The following ANPEP variants were observed in gnomAD, a reference collection of about 807,000 sequenced individuals.
ANPEP encodes aminopeptidase N.
In ANPEP, 70 loss-of-function variants were observed where a neutral mutation model predicts 114.6. The observed-to-expected ratio is 0.61, with a 90% confidence interval of 0.50 to 0.75. The LOEUF (loss-of-function observed/expected upper bound fraction) is 0.75, where lower values mean the gene tolerates loss of function less well. Among genes scored for constraint, ANPEP ranks in the 30% least tolerant of loss-of-function variants. The probability of loss-of-function intolerance (pLI) is 0.00; values close to 1 mark genes in which losing one functional copy is unlikely to be tolerated. For synonymous variants in ANPEP, 548 were observed against 522.3 expected, an observed-to-expected ratio of 1.05 and a Z score of -0.67; for missense variants, 1,184 against 1,259.5, an observed-to-expected ratio of 0.94 and a Z score of 0.91.
At chr15:89,807,520 G>A (rs1391377008) in intron 1 of ANPEP, among the ~76,000 whole-genome samples, 1 of 152,120 alleles carries the variant, frequency 6.6e-6, no homozygotes, top group Non-Finnish European at 1.5e-5. Flanking sequence ...CCAACATGGC[G>A]AAACCCCGTC....
rs1357176889 is a variant in ANPEP at position 89,799,599 on chromosome 15, G to A, written c.1820-40C>T. On this transcript the variant is annotated intron_variant, in intron 12 of 20. Transcript: ENST00000300060. This position sits in a 1 kb window ranked among gnomAD's most constrained non-coding sequence, Gnocchi z 4.2. ...GAGACCTGGGCAGGGCTGCTCAGAG[G>A]CCATGGGCTGACCCCTGGACCTCTT... is the stretch of plus-strand genomic sequence containing the variant. 11 of 1,613,504 alleles carry A rather than the reference G, an allele frequency of 6.8e-6. No individual in the cohort carries two copies. The highest frequency in any genetic ancestry group is 8.5e-6 in the Non-Finnish European group (10 of 1,179,760).
In ANPEP at chr15:89,792,263, ACTC is replaced by A; in HGVS notation, c.2422_2424del (p.Glu808del). ...CGGAACTGCTCCCAGGCGAAGTCCC[ACTC>A]CTCCTCCCCGCCCTGGGCGATAGCG... On this transcript the variant is annotated inframe_deletion, in exon 18 of 21. Coordinates refer to ENST00000300060, the MANE Select transcript of ANPEP (RefSeq NM_001150.3). 6 of 1,613,480 alleles carry A rather than the reference ACTC, an allele frequency of 3.7e-6. No homozygotes were observed. Among genetic ancestry groups the A allele is most frequent in the Non-Finnish European group, 5.1e-6 (6 of 1,179,904 alleles).
At chr15:89,786,386 CTTT>C (rs57614547) in intron 20 of ANPEP, among the ~76,000 whole-genome samples, 2 of 130,512 alleles carry the variant, frequency 1.5e-5, no homozygotes, top group East Asian at 2.2e-4. Flanking sequence ...ATTTTAACTA[CTTT>C]TTTTTTTTTT....
Position 89,792,275 on chromosome 15 carries a change from C to T in ANPEP, c.2413G>A (p.Gly805Arg), listed in dbSNP as rs781584838. Residue 805 changes from glycine (G) to arginine (R), a missense_variant, in exon 18 of 21, where the codon GGG (glycine) becomes AGG (arginine). By Grantham distance (125) the Gly-to-Arg change is moderately radical (BLOSUM62 -2). Transcript: ENST00000300060. Reference protein sequence around the residue: ...TVYCNAIAQGGEEEWDFAWEQ... With the variant: ...TVYCNAIAQGREEEWDFAWEQ... The stretch of plus-strand genomic sequence containing the variant: ...CAGGCGAAGTCCCACTCCTCCTCCC[C>T]GCCCTGGGCGATAGCGTTGCAGTAG... The T allele has an allele frequency of 8.1e-6, 13 of 1,614,216 alleles. No homozygotes were observed. Among genetic ancestry groups the T allele is most frequent in the East Asian group, 2.2e-5 (1 of 44,886 alleles).
intron 18 of ANPEP, among the ~76,000 whole-genome samples, chr15:89,791,514 T>C (rs1036973011): frequency 6.6e-6 from 1 of 151,946 alleles, no homozygotes; most frequent in Non-Finnish European, 1.5e-5. Flanking sequence ...TTGGGCTTAC[T>C]GTAACCTTCG....
At chr15:89,797,385 C>T (rs559870338) in intron 15 of ANPEP, 190 bp downstream of exon 15, 8 of 783,390 alleles carry the variant, frequency 1.0e-5, no homozygotes, top group East Asian at 9.0e-5. Context: ...CCCTCCGGCT[C>T]GCTCTTTCAC....
intron 19 of ANPEP, 138 bp downstream of exon 19, chr15:89,790,815 C>T: frequency 8.7e-7 from 1 of 1,147,296 alleles, no homozygotes; most frequent in Non-Finnish European, 1.2e-6. Context: ...TCCATTCCTG[C>T]CCCACCCTAG....
chr15:89,809,475 A>C (rs1174485850), intron 1 of ANPEP, among the ~76,000 whole-genome samples: 1 of 152,218 alleles, frequency 6.6e-6, no homozygotes, highest in Non-Finnish European at 1.5e-5. Flanking sequence ...AAGTTGGTGC[A>C]GCAGGTAGCC....
At chr15:89,809,776 A>G (rs1009399203) in intron 1 of ANPEP, among the ~76,000 whole-genome samples, 2 of 152,218 alleles carry the variant, frequency 1.3e-5, no homozygotes, top group Non-Finnish European at 2.9e-5. Context: ...CAACCTGCAG[A>G]GTGAAACCTT....
At chr15:89,804,184 C>A in intron 6 of ANPEP, 69 bp downstream of exon 6, 1 of 1,599,804 alleles carries the variant, frequency 6.3e-7, no homozygotes, top group Non-Finnish European at 8.5e-7. Flanking sequence ...CGGGGCAGAG[C>A]CTGGACTTGC....
chr15:89,789,721 C>T (rs1014524307), intron 20 of ANPEP, among the ~76,000 whole-genome samples: 30 of 139,826 alleles, frequency 2.1e-4, no homozygotes, highest in African/African-American at 7.7e-4. Context: ...TGCAGTGAGC[C>T]GAGATCATAC....
intron 18 of ANPEP, 76 bp downstream of exon 18, chr15:89,792,084 C>T: frequency 2.0e-6 from 3 of 1,525,052 alleles, no homozygotes; most frequent in Non-Finnish European, 2.7e-6. Flanking sequence ...AAGGATCTGG[C>T]GAGGAGTGTG....
Position 89,799,640 on chromosome 15 carries a change from C to A in ANPEP, c.1820-81G>T. 3.1e-6 allele frequency: 5 copies of A among 1,589,486 alleles called. No homozygotes were observed. In the South Asian group the frequency reaches 4.5e-5, roughly 14 times the overall value. ...TGGACCTCTTGCAAGAGCAGCTGCC[C>A]CCGCAGCCTGGCACCACCTCACCCT... On this transcript the variant is annotated intron_variant, in intron 12 of 20. Transcript: ENST00000300060. The surrounding 1 kb of genome is among the most constrained non-coding windows in gnomAD (Gnocchi z 4.2).
chr15:89,799,458 T>C lies in ANPEP; in HGVS notation c.1921A>G (p.Lys641Glu). 1.2e-6 allele frequency: 2 copies of C among 1,614,142 alleles called. No individual in the cohort carries two copies. The highest frequency in any genetic ancestry group is 1.7e-6 in the Non-Finnish European group (2 of 1,180,032). ...RVNYDEENWR[K>E]IQTQLQRDHS... is the part of the protein sequence containing the mutation. Reference sequence around the variant, plus strand: ...TCTCTCTGCAGCTGAGTCTGAATCTTCCTCCAGTTCTCTTCGTCGTAGTTC... The same window carrying C: ...TCTCTCTGCAGCTGAGTCTGAATCTCCCTCCAGTTCTCTTCGTCGTAGTTC... Residue 641 changes from lysine to glutamate, a missense_variant, in exon 13 of 21, where the codon AAG becomes GAG. Physicochemically the swap from Lys to Glu is moderately conservative, Grantham distance 56. Coordinates refer to ENST00000300060, the MANE Select transcript of ANPEP (RefSeq NM_001150.3). The surrounding 1 kb of genome is among the most constrained non-coding windows in gnomAD (Gnocchi z 4.2).
intron 1 of ANPEP, among the ~76,000 whole-genome samples, chr15:89,813,672 G>A (rs1205903969): frequency 6.6e-6 from 1 of 152,128 alleles, no homozygotes; most frequent in Non-Finnish European, 1.5e-5. Context: ...GTGGGACAGA[G>A]GCTGTCCCCA....
Position 89,804,360 on chromosome 15 carries a change from C to T in ANPEP, c.1072G>A (p.Gly358Arg). Residue 358 changes from glycine (G) to arginine (R), a missense_variant, in exon 6 of 21, where the codon GGA becomes AGA. By Grantham distance (125) the Gly-to-Arg change is moderately radical. Coordinates refer to ENST00000300060, the MANE Select transcript of ANPEP (RefSeq NM_001150.3). Reference sequence around the variant, plus strand: ...GAGTTCTCCCGGTAGGTCACCAGTCCCCAGTTCTCCATGGCGCCGGCGTTG... The same window carrying T: ...GAGTTCTCCCGGTAGGTCACCAGTCTCCAGTTCTCCATGGCGCCGGCGTTG... ...DFNAGAMENW[G>R]LVTYRENSLL... 6.2e-7 allele frequency: 1 copy of T among 1,614,192 alleles called. No individual in the cohort carries two copies. The highest frequency in any genetic ancestry group is 8.5e-7 in the Non-Finnish European group (1 of 1,180,028).
chr15:89,804,038 C>T, intron 6 of ANPEP, 36 bp from the exon 7 acceptor site: 2 of 1,607,704 alleles, frequency 1.2e-6, no homozygotes, highest in Non-Finnish European at 1.7e-6. Flanking sequence ...AAGCCACGCC[C>T]AGGCTGGGCA....
chr15:89,813,131 C>T (rs1390137953), intron 1 of ANPEP, among the ~76,000 whole-genome samples: 1 of 152,056 alleles, frequency 6.6e-6, no homozygotes, highest in Non-Finnish European at 1.5e-5. Flanking sequence ...AAGGACACCC[C>T]AGGGCCTCGG....
At chr15:89,793,281 G>C (rs1968667975) in intron 15 of ANPEP, 155 bp from the exon 16 acceptor site, 1 of 597,024 alleles carries the variant, frequency 1.7e-6, no homozygotes, top group African/African-American at 1.9e-5. Context: ...GCCCATAGAA[G>C]TCTAGAGTTC....
Sources: allele counts gnomAD v4.1 joint callset (sites outside exome capture counted in the v4.1 genomes callset), GRCh38; gene constraint gnomAD v4.1.1; non-coding constraint Gnocchi (gnomAD v3.1); transcripts MANE v1.5; gene names NCBI Gene and HGNC (gene_info 2026-07-23, HGNC 2026-07-21).